KLF8: variants seen among roughly 807,000 people sequenced by gnomAD.
KLF8 encodes the protein KLF transcription factor 8.
KLF8 carries 10 observed loss-of-function variants against 18.2 expected under a neutral mutation model. The observed-to-expected ratio is 0.55, with a 90% confidence interval of 0.34 to 0.93. The LOEUF (loss-of-function observed/expected upper bound fraction) is 0.93. Among genes scored for constraint, KLF8 ranks in the 40% least tolerant of loss-of-function variants. KLF8 has a pLI of 0.02. For missense variants in KLF8, 264 were observed against 277.9 expected (o/e 0.95, Z 0.36); for synonymous variants, 109 against 97.3 (o/e 1.12, Z -0.71).
chrX:56,181,902 T>G, the KLF8 span, among the ~76,000 whole-genome samples: 1 of 110,279 alleles, frequency 9.1e-6, no homozygotes, highest in Non-Finnish European at 1.9e-5. Flanking sequence ...CATTTTTTCC[T>G]TCATTTTAAC....
the KLF8 span, among the ~76,000 whole-genome samples, chrX:56,219,020 AT>A: frequency 1.4e-3 from 158 of 112,152 alleles, 2 homozygotes; most frequent in African/African-American, 4.4e-3. Flanking sequence ...ACAAAACAAC[AT>A]TTTTTTAACA....
the KLF8 span, among the ~76,000 whole-genome samples, chrX:55,969,085 C>T: frequency 4.5e-5 from 5 of 111,870 alleles, no homozygotes; most frequent in Non-Finnish European, 9.4e-5. Flanking sequence ...TGGACTTAAT[C>T]TGGACTATAG....
At chrX:56,054,457 G>T in the KLF8 span, among the ~76,000 whole-genome samples, 3 of 111,588 alleles carry the variant, frequency 2.7e-5, no homozygotes, top group Admixed American at 9.5e-5. Flanking sequence ...GAGATTGGTT[G>T]TTATTATTTC....
In KLF8 at chrX:56,284,864, CTT is replaced by C. The variant is rs1017206004; in HGVS notation, c.*371_*372del. Reference sequence around the variant, plus strand: ...CTGCTTTATTCTTTCCAATTTTTCTCTTGTTTTCTAGAACTCTTATCCATATG... The same window carrying C: ...CTGCTTTATTCTTTCCAATTTTTCTCGTTTTCTAGAACTCTTATCCATATG... On this transcript the variant is annotated 3_prime_UTR_variant, in exon 6 of 6. Transcript: ENST00000468660. 3 of 148,346 alleles carry C rather than the reference CTT, an allele frequency of 2.0e-5. No homozygotes were observed. The highest frequency in any genetic ancestry group is 3.9e-5 in the Non-Finnish European group (3 of 77,781). 12.2% of individuals were successfully genotyped at this position (148,346 alleles called of 1,213,427 possible).
At chrX:56,231,984 A>C (rs943235776), upstream of KLF8, among the ~76,000 whole-genome samples, 1 of 110,942 alleles carries the variant, frequency 9.0e-6, no homozygotes, top group South Asian at 3.8e-4. Flanking sequence ...CTGAGAAGAC[A>C]CTGTGACCTC....
At chrX:55,927,780 T>C in the KLF8 span, among the ~76,000 whole-genome samples, 58,169 of 110,472 alleles carry the variant, frequency 0.53, 13,552 homozygotes, top group East Asian at 0.75. Context: ...ATTTGGAATT[T>C]TTAATATATT....
At chrX:56,053,467 G>A in the KLF8 span, among the ~76,000 whole-genome samples, 1 of 107,791 alleles carries the variant, frequency 9.3e-6, no homozygotes, top group Non-Finnish European at 1.9e-5. Flanking sequence ...ATTGGCCTGG[G>A]GTGGGTTTTT....
the KLF8 span, among the ~76,000 whole-genome samples, chrX:56,225,037 A>G: frequency 6.3e-5 from 7 of 111,234 alleles, no homozygotes; most frequent in Non-Finnish European, 1.3e-4. Flanking sequence ...TGGAGCCCTC[A>G]TAACCTAATC....
the KLF8 span, among the ~76,000 whole-genome samples, chrX:56,184,418 C>T: frequency 8.9e-6 from 1 of 112,650 alleles, no homozygotes; most frequent in African/African-American, 3.2e-5. Context: ...GCCTGCCTGC[C>T]TCTGTAGGCT....
the KLF8 span, among the ~76,000 whole-genome samples, chrX:55,915,696 G>T: frequency 3.6e-5 from 4 of 111,883 alleles, no homozygotes; most frequent in Non-Finnish European, 1.9e-5. Context: ...TGGCATCACT[G>T]GGCCTATACT....
the KLF8 span, among the ~76,000 whole-genome samples, chrX:55,917,689 A>G: frequency 9.0e-6 from 1 of 111,525 alleles, no homozygotes; most frequent in Non-Finnish European, 1.9e-5. Context: ...TAGTGGAAAA[A>G]GTACTCAAGC....
chrX:56,059,368 T>A, the KLF8 span, among the ~76,000 whole-genome samples: 2 of 112,290 alleles, frequency 1.8e-5, no homozygotes, highest in Admixed American at 1.9e-4. Context: ...TAGATCCCAT[T>A]TGTCAATTTT....
chrX:56,218,834 G>A, the KLF8 span, among the ~76,000 whole-genome samples: 3 of 112,071 alleles, frequency 2.7e-5, no homozygotes, highest in South Asian at 3.7e-4. Context: ...GTAGAGATGT[G>A]AGATTAAAAA....
intron 1 of KLF8, among the ~76,000 whole-genome samples, chrX:56,239,788 A>G (rs1287605288): frequency 2.7e-5 from 3 of 112,265 alleles, no homozygotes; most frequent in Non-Finnish European, 1.9e-5. Flanking sequence ...GTAATCATCT[A>G]CATTTCTTGA....
Position 56,259,961 on chromosome X carries a change from A to C in KLF8, c.82-5219A>C, listed in dbSNP as rs191964176. 1.7e-3 allele frequency among the ~76,000 whole-genome samples: 187 copies of C among 111,613 alleles called. 2 individuals are homozygous for C. Among genetic ancestry groups the C allele is most frequent in the African/African-American group, 5.9e-3 (181 of 30,712 alleles). ...TTCTCTCACTGTTCTGGAGGCCAGA[A>C]ATCTGAAATCAAGTTATTGTCAGGG... is the stretch of plus-strand genomic sequence containing the variant. On this transcript the variant is annotated intron_variant, in intron 2 of 5. Transcript: ENST00000468660.
the KLF8 span, chrX:55,908,353 A>T: frequency 1.4e-5 from 4 of 288,731 alleles, no homozygotes; most frequent in Non-Finnish European, 2.4e-5. Context: ...AGTGGGACGA[A>T]CAACCAAGTT....
chrX:56,236,519 G>A (rs764914518), intron 1 of KLF8, among the ~76,000 whole-genome samples: 1 of 110,652 alleles, frequency 9.0e-6, no homozygotes, highest in South Asian at 3.9e-4. Flanking sequence ...CTTTGTATCT[G>A]GTATCTGTTT....
chrX:56,257,046 A>G (rs1343337749), intron 2 of KLF8, among the ~76,000 whole-genome samples: 1 of 111,887 alleles, frequency 8.9e-6, no homozygotes, highest in Non-Finnish European at 1.9e-5. Context: ...AAGTTTAATA[A>G]TATTATTAAA....
the KLF8 span, among the ~76,000 whole-genome samples, chrX:56,166,625 A>G: frequency 8.9e-6 from 1 of 112,053 alleles, no homozygotes; most frequent in African/African-American, 3.2e-5. Context: ...AGTAGCATAT[A>G]GTGTTATTCT....
Sources: gnomAD v4.1 joint callset for allele counts (sites outside exome capture counted in the v4.1 genomes callset) on GRCh38, gnomAD v4.1.1 for gene constraint, MANE v1.5 for transcripts, NCBI Gene and HGNC (gene_info 2026-07-23, HGNC 2026-07-21) for gene names.